TMPRSS2: variants seen among roughly 807,000 people sequenced by gnomAD.
TMPRSS2 encodes transmembrane serine protease 2, also known as transmembrane protease serine 2.
A neutral mutation model predicts 67.4 loss-of-function variants in TMPRSS2; 59 were observed. The observed-to-expected ratio is 0.88, with a 90% CI of 0.71 to 1.09. TMPRSS2 has a LOEUF of 1.09. TMPRSS2 is among the 50% of genes least tolerant of loss of function. The probability of loss-of-function intolerance (pLI) is 0.00; values close to 1 mark genes in which losing one functional copy is unlikely to be tolerated. For synonymous variants in TMPRSS2, 257 were observed against 257.0 expected (o/e 1.00, Z 0.00); for missense variants, 668 against 642.7 (o/e 1.04, Z -0.43).
In TMPRSS2 at chr21:41,464,655, A is replaced by G. The variant is rs1312944481; in HGVS notation, c.*1487T>C. ...CAAAAAAAGACAAACAGTTGTTCAC[A>G]TAAATAAGAAGGGGCAATAAAGAAG... On this transcript the variant is annotated 3_prime_UTR_variant, in exon 14 of 14. Coordinates refer to ENST00000332149, the MANE Select transcript of TMPRSS2 (RefSeq NM_005656.4). 4.3e-6 allele frequency: 1 copy of G among 233,184 alleles called. No homozygotes were observed. The highest frequency in any genetic ancestry group is 2.2e-5 in the African/African-American group (1 of 45,372). The allele number at this position is 233,184 out of a possible 1,614,324, so 14.4% of individuals were successfully genotyped here.
At chr21:41,501,608 C>CAAAAAAA in intron 1 of TMPRSS2, among the ~76,000 whole-genome samples, 2 of 86,524 alleles carry the variant, frequency 2.3e-5, no homozygotes, top group East Asian at 3.3e-4. Flanking sequence ...GACTCTGTCT[C>CAAAAAAA]AAAAAAAAAA....
In TMPRSS2 at chr21:41,494,584, C is replaced by T; in HGVS notation, c.16-6G>A. On this transcript the variant is annotated splice_region_variant and splice_polypyrimidine_tract_variant and intron_variant, in intron 2 of 13. Coordinates refer to ENST00000332149, the MANE Select transcript of TMPRSS2 (RefSeq NM_005656.4). ...CCAATAGCTGGTGGTGACCCCTAAA[C>T]AGTTGAAAAGAAGATGAATAATATA... The T allele has an allele frequency of 1.2e-6, 2 of 1,612,816 alleles. No individual in the cohort carries two copies. Among genetic ancestry groups the T allele is most frequent in the South Asian group, 2.2e-5 (2 of 90,766 alleles).
chr21:41,485,543 G>A (rs1017755218), intron 5 of TMPRSS2, among the ~76,000 whole-genome samples: 1 of 151,910 alleles, frequency 6.6e-6, no homozygotes, highest in African/African-American at 2.4e-5. Context: ...CAGCCACTTG[G>A]GGGGCTGAGG....
At chr21:41,498,217 T>C (rs2091399202) in intron 1 of TMPRSS2, 28 bp from the exon 2 acceptor site, 1 of 1,468,220 alleles carries the variant, frequency 6.8e-7, no homozygotes, top group Non-Finnish European at 9.5e-7. Context: ...AGGACTGTAA[T>C]ATTTCCATAC....
chr21:41,491,822 C>T (rs1466504282), intron 3 of TMPRSS2, among the ~76,000 whole-genome samples: 4 of 152,198 alleles, frequency 2.6e-5, no homozygotes, highest in African/African-American at 7.2e-5. Context: ...CTGTAGTCAG[C>T]GCGTGGTCAG....
intron 10 of TMPRSS2, 56 bp from the exon 11 acceptor site, chr21:41,470,799 C>T (rs2091127008): frequency 1.7e-5 from 12 of 721,520 alleles, no homozygotes; most frequent in African/African-American, 2.8e-5. Context: ...ATGTCTCCAC[C>T]TGGCCTTCCC....
intron 2 of TMPRSS2, among the ~76,000 whole-genome samples, chr21:41,496,633 A>C (rs1295154444): frequency 6.6e-6 from 1 of 151,598 alleles, no homozygotes; most frequent in African/African-American, 2.4e-5. Flanking sequence ...CCTTCCCGAG[A>C]CCTACCCTGT....
chr21:41,468,260 G>T, intron 12 of TMPRSS2, 136 bp downstream of exon 12: 2 of 1,127,936 alleles, frequency 1.8e-6, no homozygotes, highest in Non-Finnish European at 2.5e-6. Flanking sequence ...GTTTGTGGCC[G>T]TCACTTCCCA....
chr21:41,471,275 T>C (rs543168691), intron 10 of TMPRSS2, among the ~76,000 whole-genome samples: 2 of 152,324 alleles, frequency 1.3e-5, no homozygotes, highest in African/African-American at 4.8e-5. Context: ...AGAGAAAGCA[T>C]GTTTGTCCTG....
intron 5 of TMPRSS2, among the ~76,000 whole-genome samples, chr21:41,480,904 T>C (rs964766406): frequency 6.6e-5 from 10 of 152,280 alleles, no homozygotes; most frequent in African/African-American, 2.2e-4. Flanking sequence ...TCCCAAAGTG[T>C]TGGAATTACA....
At chr21:41,506,259 C>A (rs1030529480) in intron 1 of TMPRSS2, among the ~76,000 whole-genome samples, 1 of 152,138 alleles carries the variant, frequency 6.6e-6, no homozygotes, top group Non-Finnish European at 1.5e-5. Flanking sequence ...TGCTGGGGAC[C>A]AAACAAATGT....
intron 1 of TMPRSS2, among the ~76,000 whole-genome samples, chr21:41,501,624 A>T (rs1328167430): frequency 2.7e-5 from 4 of 150,886 alleles, no homozygotes; most frequent in Non-Finnish European, 5.9e-5. Flanking sequence ...AAAAAAAAAA[A>T]AAAAAAAAAA....
rs1173534104 is a variant in TMPRSS2, at chr21:41,468,546, C to T, written c.1172-8G>A. On this transcript the variant is annotated splice_region_variant and splice_polypyrimidine_tract_variant and intron_variant, in intron 11 of 13. Coordinates refer to ENST00000332149, the MANE Select transcript of TMPRSS2 (RefSeq NM_005656.4). ...GCACTTCTGAGGTCTTCCCTAAGGA[C>T]AGGGAGACTTGTTGAGCTCCCAGTG... 3 of 1,613,816 alleles carry T rather than the reference C, an allele frequency of 1.9e-6. No homozygotes were observed. Among genetic ancestry groups the T allele is most frequent in the Non-Finnish European group, 2.5e-6 (3 of 1,179,868 alleles).
rs770372922 is a variant in TMPRSS2 at position 41,467,846 on chromosome 21, A to G, written c.1355T>C (p.Ile452Thr). Residue 452 changes from isoleucine (I) to threonine (T), a missense_variant, in exon 13 of 14, where the codon ATC becomes ACC. Coordinates refer to ENST00000332149, the MANE Select transcript of TMPRSS2 (RefSeq NM_005656.4). ...GCTTGTATCCCCTATCAGCCACCAG[A>G]TATTGTTCTTCGAAGTGACCAGAGG... ...GGPLVTSKNN[I>T]WWLIGDTSWG... is the part of the protein sequence containing the mutation. 3 of 1,614,026 alleles carry G rather than the reference A, an allele frequency of 1.9e-6. No homozygotes were observed. The South Asian group carries it at 3.3e-5, about 18-fold the overall frequency.
intron 8 of TMPRSS2, among the ~76,000 whole-genome samples, chr21:41,475,230 A>ATGAGTGAGGGGG (rs2091192984): frequency 3.1e-4 from 1 of 3,268 alleles, no homozygotes; most frequent in Non-Finnish European, 4.4e-4. Flanking sequence ...GGGTGAAGGC[A>ATGAGTGAGGGGG]TGAGTGAGGG....
In TMPRSS2 at chr21:41,471,993, G is replaced by T; in HGVS notation, c.900-12C>A. 6.3e-7 allele frequency: 1 copy of T among 1,585,724 alleles called. No homozygotes were observed. The highest frequency in any genetic ancestry group is 1.1e-5 in the South Asian group (1 of 88,716). On this transcript the variant is annotated splice_polypyrimidine_tract_variant and intron_variant, in intron 9 of 13. Coordinates refer to ENST00000332149, the MANE Select transcript of TMPRSS2 (RefSeq NM_005656.4). The stretch of plus-strand genomic sequence containing the variant: ...GATTGTTAAGAGGTCTGGGAGAGAA[G>T]AAGGACTCAGTATCTCAGAGCCATA...
chr21:41,506,956 T>G (rs2091462304), intron 1 of TMPRSS2, among the ~76,000 whole-genome samples: 1 of 152,188 alleles, frequency 6.6e-6, no homozygotes, highest in Non-Finnish European at 1.5e-5. Flanking sequence ...AGGCGAGCCC[T>G]GGGTGCTCCC....
chr21:41,494,363 G>A lies in TMPRSS2; in HGVS notation c.231C>T (p.Cys77=), dbSNP rs2091361431. Residue 77 remains cysteine (C), a synonymous_variant, in exon 3 of 14, where the codon TGC becomes TGT. Transcript: ENST00000332149. The part of the protein sequence containing the change: ...TQPKSPSGTV[C]TSKTKKALCI... ...ACACAAAGAGAATCCTACTTGAGGT[G>A]CACACTGTCCCGGATGGGGATTTGG... 6.2e-7 allele frequency: 1 copy of A among 1,611,268 alleles called. No homozygotes were observed. The highest frequency in any genetic ancestry group is 8.5e-7 in the Non-Finnish European group (1 of 1,179,346).
intron 1 of TMPRSS2, among the ~76,000 whole-genome samples, chr21:41,507,316 G>A (rs560845787): frequency 6.6e-6 from 1 of 152,040 alleles, no homozygotes; most frequent in Non-Finnish European, 1.5e-5. Context: ...CCCCCAACCC[G>A]GCACGGAGCG....
Sources: allele counts gnomAD v4.1 joint callset (sites outside exome capture counted in the v4.1 genomes callset), GRCh38; gene constraint gnomAD v4.1.1; transcripts MANE v1.5; gene names NCBI Gene and HGNC (gene_info 2026-07-23, HGNC 2026-07-21).